The following PCNT variants were observed in gnomAD, a reference collection of about 807,000 sequenced individuals.
PCNT encodes kendrin.
In PCNT, 319 loss-of-function variants were observed where a neutral mutation model predicts 380.4. That is an observed-to-expected ratio of 0.84 (90% CI 0.77 to 0.92). The LOEUF is 0.92. Ranked by LOEUF, PCNT falls within the 40% of genes least tolerant of loss-of-function variation. PCNT has a pLI of 0.00. For missense variants in PCNT, 4,400 were observed against 4,255.3 expected (o/e 1.03, Z -0.95); for synonymous variants, 1,845 against 1,735.2 (o/e 1.06, Z -1.57).
chr21:46,427,510 C>A, intron 33 of PCNT, 112 bp from the exon 34 acceptor site: 1 of 1,224,228 alleles, frequency 8.2e-7, no homozygotes, highest in East Asian at 2.3e-5. Flanking sequence ...CTCATTTACC[C>A]TGAATCACCT....
At chr21:46,343,484 G>C (rs2083968187) in intron 3 of PCNT, among the ~76,000 whole-genome samples, 1 of 152,094 alleles carries the variant, frequency 6.6e-6, no homozygotes, top group Admixed American at 6.5e-5. Flanking sequence ...AAACCCAAGT[G>C]TATTATCTTT....
At chr21:46,344,138 C>A (rs1165625165) in intron 3 of PCNT, among the ~76,000 whole-genome samples, 1 of 151,016 alleles carries the variant, frequency 6.6e-6, no homozygotes, top group Non-Finnish European at 1.5e-5. Context: ...GATCTCTGTT[C>A]ACTGCAAGCT....
intron 27 of PCNT, among the ~76,000 whole-genome samples, chr21:46,409,020 C>T (rs1049972850): frequency 6.6e-6 from 1 of 151,902 alleles, no homozygotes; most frequent in Non-Finnish European, 1.5e-5. Context: ...CACCGTGCCC[C>T]ACCTCAGAAA....
intron 15 of PCNT, among the ~76,000 whole-genome samples, chr21:46,380,363 T>G (rs186401154): frequency 0.02 from 3,009 of 151,748 alleles, 108 homozygotes; most frequent in African/African-American, 0.069. Context: ...GGTTTCACCA[T>G]GTTAGCCAGG....
At position 46,426,080 on chromosome 21, in the gene PCNT, T is replaced by TTTC; in HGVS notation, c.7320+111_7320+112insCTT. ...ACTAGGATTTCTTTCTTTTTTTTTT[T>TTTC]TTTTTTTTTTTTTTTTGAGACTCGG... is the stretch of plus-strand genomic sequence containing the variant. On this transcript the variant is annotated intron_variant, in intron 33 of 46. Coordinates refer to ENST00000359568, the MANE Select transcript of PCNT (RefSeq NM_006031.6). 3.7e-5 allele frequency: 39 copies of TTTC among 1,051,112 alleles called. 1 individual carries two copies. Among genetic ancestry groups the TTTC allele is most frequent in the Non-Finnish European group, 3.7e-5 (29 of 780,658 alleles). The allele number at this position is 1,051,112 out of a possible 1,614,324, so 65.1% of individuals were successfully genotyped here.
Position 46,346,962 on chromosome 21 carries a change from A to AAGG in PCNT, c.947_949dup (p.Glu316dup). 1 of 1,596,556 alleles carries AAGG rather than the reference A, an allele frequency of 6.3e-7. No homozygotes were observed. Among genetic ancestry groups the AAGG allele is most frequent in the East Asian group, 2.3e-5 (1 of 44,300 alleles). ...CCTCAGGGAGCAGCACGCACGGGAG[A>AAGG]AGGAGGAGGTGGTGCTCAGGTGTGG... On this transcript the variant is annotated inframe_insertion, in exon 5 of 47. Coordinates refer to ENST00000359568, the MANE Select transcript of PCNT (RefSeq NM_006031.6).
chr21:46,356,129 G>A (rs983595834), intron 12 of PCNT, among the ~76,000 whole-genome samples: 2 of 152,216 alleles, frequency 1.3e-5, no homozygotes, highest in Admixed American at 6.5e-5. Context: ...GTCCCATGGC[G>A]CCGGACAGTG....
intron 11 of PCNT, among the ~76,000 whole-genome samples, chr21:46,355,116 G>A (rs369071901): frequency 5.6e-4 from 85 of 152,218 alleles, no homozygotes; most frequent in African/African-American, 1.9e-3. Flanking sequence ...CAGGGGAGAC[G>A]CGAGGGGCAC....
Position 46,363,604 on chromosome 21 carries a change from A to G in PCNT, c.2279A>G (p.Gln760Arg), listed in dbSNP as rs773578473. Residue 760 changes from glutamine (Q) to arginine (R), a missense_variant, in exon 14 of 47, where the codon CAG (glutamine) becomes CGG (arginine). Physicochemically the swap from Gln to Arg is conservative, Grantham distance 43 (BLOSUM62 1). Coordinates refer to ENST00000359568, the MANE Select transcript of PCNT (RefSeq NM_006031.6). Reference protein sequence around the residue: ...TDWKVMKEELQREAEEKLTLM... With the variant: ...TDWKVMKEELRREAEEKLTLM... Reference sequence around the variant, plus strand: ...TGGAAAGTTATGAAGGAGGAGCTACAGCGGGAAGCTGAGGAGAAGTTAACA... The same window carrying G: ...TGGAAAGTTATGAAGGAGGAGCTACGGCGGGAAGCTGAGGAGAAGTTAACA... The G allele has an allele frequency of 3.1e-6, 5 of 1,614,256 alleles. No individual in the cohort carries two copies. The East Asian group carries it at 8.9e-5, about 29-fold the overall frequency.
intron 38 of PCNT, among the ~76,000 whole-genome samples, chr21:46,435,569 G>T (rs1300268940): frequency 6.8e-6 from 1 of 148,080 alleles, no homozygotes; most frequent in Non-Finnish European, 1.5e-5. Flanking sequence ...TTGAGATGGA[G>T]TCTCACTCTG....
At chr21:46,330,741 T>C (rs748192934) in intron 2 of PCNT, among the ~76,000 whole-genome samples, 5 of 152,230 alleles carry the variant, frequency 3.3e-5, no homozygotes, top group Non-Finnish European at 7.3e-5. Flanking sequence ...AATAATGATC[T>C]TCTGAAAAGT....
chr21:46,427,926 C>T, intron 34 of PCNT, 131 bp downstream of exon 34: 1 of 1,015,612 alleles, frequency 9.8e-7, no homozygotes, highest in Non-Finnish European at 1.5e-6. Context: ...ATGTGGCTGT[C>T]ACTTACCCAG....
At chr21:46,374,365 A>G (rs2085263119) in intron 15 of PCNT, among the ~76,000 whole-genome samples, 1 of 152,198 alleles carries the variant, frequency 6.6e-6, no homozygotes, top group South Asian at 2.1e-4. Context: ...TCACAAGCCC[A>G]GCCCACGTGC....
chr21:46,333,453 A>C (rs1050457372), intron 2 of PCNT, among the ~76,000 whole-genome samples: 13 of 152,022 alleles, frequency 8.6e-5, no homozygotes, highest in Non-Finnish European at 1.8e-4. Flanking sequence ...AAAAGAAAAA[A>C]AAAATTAGCC....
chr21:46,325,455 A>G (rs1392006547), intron 1 of PCNT, among the ~76,000 whole-genome samples: 1 of 152,234 alleles, frequency 6.6e-6, no homozygotes, highest in African/African-American at 2.4e-5. Flanking sequence ...GGTCTGTGCT[A>G]TATCCCGACA....
intron 3 of PCNT, among the ~76,000 whole-genome samples, chr21:46,344,822 A>G (rs1005205147): frequency 6.6e-6 from 1 of 152,168 alleles, no homozygotes; most frequent in African/African-American, 2.4e-5. Context: ...TGCTGCTGAA[A>G]AGGTTTCCAG....
chr21:46,390,670 C>T lies in PCNT; in HGVS notation c.3841C>T (p.Leu1281=). The T allele has an allele frequency of 6.2e-7, 1 of 1,614,010 alleles. No homozygotes were observed. The highest frequency in any genetic ancestry group is 8.5e-7 in the Non-Finnish European group (1 of 1,179,960). Reference sequence around the variant, plus strand: ...TTGATTTGCAAATGTGTTTTAACAGCTGGAAGAAGCACGCCAAATTCATTC... The same window carrying T: ...TTGATTTGCAAATGTGTTTTAACAGTTGGAAGAAGCACGCCAAATTCATTC... ...MEMALDSSRQ[L]EEARQIHSRF... is the part of the protein sequence containing the mutation. Residue 1281 remains leucine (L), a splice_region_variant and synonymous_variant, in exon 20 of 47, where the codon CTG becomes TTG. Coordinates refer to ENST00000359568, the MANE Select transcript of PCNT (RefSeq NM_006031.6).
At chr21:46,337,010 GT>G (rs557863930) in intron 3 of PCNT, among the ~76,000 whole-genome samples, 6 of 118,170 alleles carry the variant, frequency 5.1e-5, no homozygotes, top group Non-Finnish European at 1.2e-4. Context: ...TTGTTTGTTT[GT>G]TTTTTTGAGA....
intron 15 of PCNT, among the ~76,000 whole-genome samples, chr21:46,377,983 T>C (rs145389029): frequency 2.4e-3 from 367 of 152,246 alleles, no homozygotes; most frequent in Non-Finnish European, 4.1e-3. Context: ...GCCCTCGGTG[T>C]CCGCGGCTTT....
Sources: gnomAD v4.1 joint callset for allele counts (sites outside exome capture counted in the v4.1 genomes callset) on GRCh38, gnomAD v4.1.1 for gene constraint, MANE v1.5 for transcripts, NCBI Gene and HGNC (gene_info 2026-07-23, HGNC 2026-07-21) for gene names.